The following CD3D variants were observed in gnomAD, a reference collection of about 807,000 sequenced individuals.
CD3D encodes the protein CD3 delta subunit of T-cell receptor complex.
A neutral mutation model predicts 22.0 loss-of-function variants in CD3D; 22 were observed. That is an observed-to-expected ratio of 1.00 (90% confidence interval 0.71 to 1.43). CD3D has a LOEUF of 1.43. Ranked by LOEUF, CD3D falls within the 40% of genes most tolerant of loss-of-function variation. CD3D has a pLI of 0.00. For synonymous variants in CD3D, 74 were observed against 81.2 expected, an observed-to-expected ratio of 0.91 and a Z score of 0.48; for missense variants, 205 against 211.7, an observed-to-expected ratio of 0.97 and a Z score of 0.20.
At chr11:118,342,030 T>G (rs1565518498) in intron 1 of CD3D, among the ~76,000 whole-genome samples, 1 of 152,170 alleles carries the variant, frequency 6.6e-6, no homozygotes, top group Non-Finnish European at 1.5e-5. Flanking sequence ...TAAGGCCTTC[T>G]GAGAGACATT....
chr11:118,340,939 A>T (rs1211502189), intron 1 of CD3D: 2 of 534,104 alleles, frequency 3.7e-6, no homozygotes, highest in Non-Finnish European at 7.2e-6. Context: ...CACCTGGAAG[A>T]TGTGGAAAGA....
At position 118,342,674 on chromosome 11, in the gene CD3D, C is replaced by A; in HGVS notation, c.-67G>T. 5 of 1,352,338 alleles carry A rather than the reference C, an allele frequency of 3.7e-6. No individual in the cohort carries two copies. Among genetic ancestry groups the A allele is most frequent in the Non-Finnish European group, 5.3e-6 (5 of 942,686 alleles). The allele number at this position is 1,352,338 out of a possible 1,614,324, so 83.8% of individuals were successfully genotyped here. A position where few individuals can be genotyped will look rare whatever the true frequency, so the allele number is the denominator to read the frequency against. On this transcript the variant is annotated 5_prime_UTR_variant, in exon 1 of 5. Coordinates refer to ENST00000300692, the MANE Select transcript of CD3D (RefSeq NM_000732.6). ...AACTATCAGCCTGGGTGAGAGCTGC[C>A]CTCCCCTAGCTGACTCACAGGTACC...
At chr11:118,342,035 G>C (rs976359800) in intron 1 of CD3D, among the ~76,000 whole-genome samples, 5 of 152,172 alleles carry the variant, frequency 3.3e-5, no homozygotes, top group Admixed American at 3.3e-4. Flanking sequence ...CCTTCTGAGA[G>C]ACATTCTAGG....
rs754368759 is a variant in CD3D at position 118,342,643 on chromosome 11, T to A, written c.-36A>T. 6.3e-6 allele frequency: 10 copies of A among 1,596,374 alleles called. No individual in the cohort carries two copies. In the Admixed American group the frequency reaches 8.3e-5, roughly 13 times the overall value. On this transcript the variant is annotated 5_prime_UTR_variant, in exon 1 of 5. Coordinates refer to ENST00000300692, the MANE Select transcript of CD3D (RefSeq NM_000732.6). ...AACTCATCCAGTAGATAAAGCCAGGTCACCGAACTATCAGCCTGGGTGAGA... is the reference window on the plus strand; with the variant it reads ...AACTCATCCAGTAGATAAAGCCAGGACACCGAACTATCAGCCTGGGTGAGA...
chr11:118,339,740 AC>A, intron 3 of CD3D, 34 bp downstream of exon 3: 1 of 1,609,892 alleles, frequency 6.2e-7, no homozygotes. Context: ...ACACACACAC[AC>A]AAACACACTC....
chr11:118,340,769 G>T (rs1591278510), intron 1 of CD3D, 176 bp from the exon 2 acceptor site: 2 of 692,978 alleles, frequency 2.9e-6, no homozygotes, highest in East Asian at 2.7e-5. Context: ...CCCACCAACT[G>T]CAGGGGTCAA....
rs756599356 is a variant in CD3D, at chr11:118,340,876, G to A, written c.56-283C>T. ...GCAGGATTGACCCAAGCACCTTCCTGGAAATGAATCCAGACCACTGATGAG... is the reference window on the plus strand; with the variant it reads ...GCAGGATTGACCCAAGCACCTTCCTAGAAATGAATCCAGACCACTGATGAG... On this transcript the variant is annotated intron_variant, in intron 1 of 4. Coordinates refer to ENST00000300692, the MANE Select transcript of CD3D (RefSeq NM_000732.6). The A allele has an allele frequency of 1.1e-4, 68 of 613,738 alleles. 1 individual carries two copies. The highest frequency in any genetic ancestry group is 1.4e-4 in the Non-Finnish European group (45 of 328,492). 38.0% of individuals were successfully genotyped at this position (613,738 alleles called of 1,614,324 possible).
At chr11:118,342,035 G>A (rs976359800) in intron 1 of CD3D, among the ~76,000 whole-genome samples, 1 of 152,172 alleles carries the variant, frequency 6.6e-6, no homozygotes, top group Non-Finnish European at 1.5e-5. Flanking sequence ...CCTTCTGAGA[G>A]ACATTCTAGG....
rs554887825 is a variant in CD3D, at chr11:118,341,198, C to T, written c.56-605G>A. On this transcript the variant is annotated intron_variant, in intron 1 of 4. Transcript: ENST00000300692. ...GAATTATCAGCCAAGTGGTCCAGAA[C>T]GGGACCAGGGCAAATCCCATGTACA... Among the ~76,000 whole-genome samples the T allele has an allele frequency of 8.5e-5, 13 of 152,284 alleles. No individual in the cohort carries two copies. In the East Asian group the frequency reaches 1.4e-3, roughly 16 times the overall value.
intron 2 of CD3D, 147 bp downstream of exon 2, chr11:118,340,228 G>T: frequency 1.3e-6 from 1 of 748,674 alleles, no homozygotes; most frequent in Non-Finnish European, 2.4e-6. Context: ...CCACTTTGAA[G>T]GTCCCCAAAT....
At chr11:118,339,263 G>A in intron 4 of CD3D, 36 bp from the exon 5 acceptor site, 4 of 1,593,784 alleles carry the variant, frequency 2.5e-6, no homozygotes, top group Non-Finnish European at 3.4e-6. Flanking sequence ...CAGGAGGCAG[G>A]GTTAGAACTC....
Position 118,342,626 on chromosome 11 carries a change from C to G in CD3D, c.-19G>C. ...GTTCCATCTCCCAGCGGAACTCATC[C>G]AGTAGATAAAGCCAGGTCACCGAAC... On this transcript the variant is annotated 5_prime_UTR_variant, in exon 1 of 5. Transcript: ENST00000300692. The G allele has an allele frequency of 6.2e-7, 1 of 1,612,172 alleles. No individual in the cohort carries two copies. The highest frequency in any genetic ancestry group is 2.2e-5 in the East Asian group (1 of 44,842).
At position 118,339,447 on chromosome 11, in the gene CD3D, T is replaced by C. The variant is rs1204656328; in HGVS notation, c.450+4A>G. 6.2e-7 allele frequency: 1 copy of C among 1,613,924 alleles called. No homozygotes were observed. Among genetic ancestry groups the C allele is most frequent in the Admixed American group, 1.7e-5 (1 of 60,002 alleles). On this transcript the variant is annotated splice_donor_region_variant and intron_variant, in intron 4 of 4. Transcript: ENST00000300692. ...ATTCCTGCCTCCTTCCCCTCAACGC[T>C]CACCTGATAGACCTGGTCATTCCTC...
rs775386500 is a variant in CD3D, at chr11:118,340,538, G to A, written c.111C>T (p.Cys37=). ...EELEDRVFVN[C]NTSITWVEGT... ...CCTCTACCCATGTGATGCTGGTATT[G>A]CAATTCACAAACACTCTGTCCTCAA... Residue 37 remains cysteine (C), a synonymous_variant, in exon 2 of 5, where the codon TGC becomes TGT. Transcript: ENST00000300692. 1.2e-6 allele frequency: 2 copies of A among 1,613,982 alleles called. No homozygotes were observed. The highest frequency in any genetic ancestry group is 4.5e-5 in the East Asian group (2 of 44,862).
Position 118,339,230 on chromosome 11 carries a change from A to G in CD3D, c.451-3T>C. 6.2e-7 allele frequency: 1 copy of G among 1,613,050 alleles called. No individual in the cohort carries two copies. Among genetic ancestry groups the G allele is most frequent in the Non-Finnish European group, 8.5e-7 (1 of 1,179,106 alleles). Reference sequence around the variant, plus strand: ...GCATCATCTCGATCTCGGAGGGGCTAAGAGAGGAGAAGAGAAAACGGTCAG... The same window carrying G: ...GCATCATCTCGATCTCGGAGGGGCTGAGAGAGGAGAAGAGAAAACGGTCAG... On this transcript the variant is annotated splice_polypyrimidine_tract_variant and splice_region_variant and intron_variant, in intron 4 of 4. Transcript: ENST00000300692.
chr11:118,340,256 A>G, intron 2 of CD3D, 119 bp downstream of exon 2: 1 of 845,352 alleles, frequency 1.2e-6, no homozygotes, highest in Non-Finnish European at 2.0e-6. Context: ...GTACCATTAC[A>G]ATAGTGACCT....
chr11:118,342,638 C>A lies in CD3D; in HGVS notation c.-31G>T. The A allele has an allele frequency of 6.2e-7, 1 of 1,605,440 alleles. No individual in the cohort carries two copies. The highest frequency in any genetic ancestry group is 8.5e-7 in the Non-Finnish European group (1 of 1,172,404). ...AGCGGAACTCATCCAGTAGATAAAG[C>A]CAGGTCACCGAACTATCAGCCTGGG... On this transcript the variant is annotated 5_prime_UTR_variant, in exon 1 of 5. Transcript: ENST00000300692.
At chr11:118,342,339 T>C (rs1050614418) in intron 1 of CD3D, among the ~76,000 whole-genome samples, 1 of 151,952 alleles carries the variant, frequency 6.6e-6, no homozygotes, top group African/African-American at 2.4e-5. Flanking sequence ...CCTGGCTAAT[T>C]CTTTTGTTTT....
chr11:118,342,462 T>C, intron 1 of CD3D, 91 bp downstream of exon 1: 2 of 1,186,138 alleles, frequency 1.7e-6, no homozygotes, highest in Non-Finnish European at 1.3e-6. Context: ...TGAGCCACCG[T>C]GCCTGGCAAG....
Sources: allele counts gnomAD v4.1 joint callset (sites outside exome capture counted in the v4.1 genomes callset), GRCh38; gene constraint gnomAD v4.1.1; transcripts MANE v1.5; gene names NCBI Gene and HGNC (gene_info 2026-07-23, HGNC 2026-07-21).